ITCH: variants seen among roughly 807,000 people sequenced by gnomAD.
ITCH encodes itchy E3 ubiquitin protein ligase, also known as E3 ubiquitin-protein ligase Itchy homolog.
In ITCH, 28 loss-of-function variants were observed where a neutral mutation model predicts 126.8. The observed-to-expected ratio is 0.22, with a 90% CI of 0.16 to 0.30. The LOEUF is 0.30. ITCH is among the 10% of genes least tolerant of loss of function. The pLI, the probability that ITCH is intolerant of heterozygous loss-of-function variation, is 1.00. For synonymous variants in ITCH, 342 were observed against 340.0 expected, an observed-to-expected ratio of 1.01 and a Z score of -0.06; for missense variants, 631 against 1,032.4, an observed-to-expected ratio of 0.61 and a Z score of 5.33.
At position 34,412,511 on chromosome 20, in the gene ITCH, T is replaced by C. The variant is rs1911851476; in HGVS notation, c.213-4T>C. The C allele has an allele frequency of 1.3e-6, 2 of 1,582,322 alleles. No homozygotes were observed. Among genetic ancestry groups the C allele is most frequent in the Non-Finnish European group, 1.7e-6 (2 of 1,151,416 alleles). On this transcript the variant is annotated splice_polypyrimidine_tract_variant and splice_region_variant and intron_variant, in intron 4 of 24. Coordinates refer to ENST00000374864, the MANE Select transcript of ITCH (RefSeq NM_031483.7). ...ATATTTTTTCCCTCTTTTTTCACTTTTAGTATCGTTACCCCTGTGAGTAAA... is the reference window on the plus strand; with the variant it reads ...ATATTTTTTCCCTCTTTTTTCACTTCTAGTATCGTTACCCCTGTGAGTAAA...
At chr20:34,402,259 C>A in intron 3 of ITCH, 1 of 1,259,924 alleles carries the variant, frequency 7.9e-7, no homozygotes, top group Non-Finnish European at 1.2e-6. Flanking sequence ...GAACACTCCA[C>A]GTACTTGACA....
At chr20:34,405,141 C>CAAAAAAA (rs1170286039) in intron 3 of ITCH, among the ~76,000 whole-genome samples, 1 of 58,234 alleles carries the variant, frequency 1.7e-5, no homozygotes. Context: ...GACCCTGTCT[C>CAAAAAAA]AAAAAAAAAA....
At chr20:34,491,974 A>G (rs1989547677) in intron 22 of ITCH, among the ~76,000 whole-genome samples, 1 of 152,082 alleles carries the variant, frequency 6.6e-6, no homozygotes, top group Admixed American at 6.5e-5. Context: ...TGAATATCCT[A>G]TAGGACGGGC....
At chr20:34,476,176 A>G (rs964830093) in intron 16 of ITCH, 12 of 801,462 alleles carry the variant, frequency 1.5e-5, no homozygotes, top group African/African-American at 5.0e-5. Context: ...AAAGCCATCA[A>G]TATCTGGATT....
At chr20:34,378,658 G>A (rs529203095) in intron 2 of ITCH, among the ~76,000 whole-genome samples, 27 of 152,094 alleles carry the variant, frequency 1.8e-4, no homozygotes, top group African/African-American at 6.5e-4. Flanking sequence ...AATGAAAAAG[G>A]CACTTTCCTT....
intron 14 of ITCH, among the ~76,000 whole-genome samples, chr20:34,464,648 C>T (rs1372806936): frequency 6.6e-6 from 1 of 151,946 alleles, no homozygotes; most frequent in Non-Finnish European, 1.5e-5. Context: ...TCTTTGTCAC[C>T]TGTACCTTTG....
chr20:34,397,138 T>G (rs1601801807), intron 3 of ITCH, among the ~76,000 whole-genome samples: 1 of 152,140 alleles, frequency 6.6e-6, no homozygotes, highest in African/African-American at 2.4e-5. Flanking sequence ...GTTCTCTGCC[T>G]CAGCCTCCCA....
In ITCH at chr20:34,456,194, A is replaced by G. The variant is rs1460098032; in HGVS notation, c.1211-1196A>G. Among the ~76,000 whole-genome samples, 218 of 43,330 alleles carry G rather than the reference A, an allele frequency of 5.0e-3. 3 individuals are homozygous for G. The highest frequency in any genetic ancestry group is 0.033 in the African/African-American group (203 of 6,090). The allele number at this position is 43,330 out of a possible 152,430, so 28.4% of individuals were successfully genotyped here. On this transcript the variant is annotated intron_variant, in intron 12 of 24. Coordinates refer to ENST00000374864, the MANE Select transcript of ITCH (RefSeq NM_031483.7). Reference sequence around the variant, plus strand: ...TGTGTGTGTGTGTGTGTATATATATATATATATATATATATATATATTTTT... The same window carrying G: ...TGTGTGTGTGTGTGTGTATATATATGTATATATATATATATATATATTTTT...
At chr20:34,425,465 G>A (rs1178062491) in intron 7 of ITCH, among the ~76,000 whole-genome samples, 3 of 152,128 alleles carry the variant, frequency 2.0e-5, no homozygotes. Flanking sequence ...AGGCCTCTTT[G>A]CAGTTGAGAT....
In ITCH at chr20:34,383,033, C is replaced by T. The variant is rs1019045125; in HGVS notation, c.-21-10758C>T. 2.6e-5 allele frequency among the ~76,000 whole-genome samples: 4 copies of T among 151,880 alleles called. 1 individual carries two copies. Among genetic ancestry groups the T allele is most frequent in the Middle Eastern group, 3.2e-3 (1 of 316 alleles). On this transcript the variant is annotated intron_variant, in intron 2 of 24. Transcript: ENST00000374864. ...CTGATATTACAGCCATGAGCCACCG[C>T]GCCCAGTCCTTTTTTAAATTTTTTT...
chr20:34,486,664 AT>A (rs112045101), intron 20 of ITCH, among the ~76,000 whole-genome samples: 3 of 109,058 alleles, frequency 2.8e-5, no homozygotes, highest in Non-Finnish European at 6.2e-5. Flanking sequence ...TATTTTATTT[AT>A]TTTATTTATT....
At chr20:34,450,339 A>G (rs1321857788) in intron 12 of ITCH, among the ~76,000 whole-genome samples, 1 of 152,218 alleles carries the variant, frequency 6.6e-6, no homozygotes, top group African/African-American at 2.4e-5. Context: ...CTCCTAAAAC[A>G]AGGTTCAGAG....
intron 24 of ITCH, among the ~76,000 whole-genome samples, chr20:34,506,674 C>G (rs531689403): frequency 6.6e-6 from 1 of 152,306 alleles, no homozygotes; most frequent in African/African-American, 2.4e-5. Context: ...TTGTCTTCCA[C>G]AAAACCATTG....
At position 34,489,124 on chromosome 20, in the gene ITCH, G is replaced by C. The variant is rs11167235; in HGVS notation, c.2094-142G>C. The stretch of plus-strand genomic sequence containing the variant: ...TAGATGGGCATTGTGATGAAGCTTG[G>C]ACATGTGTACAGGGGGTTCATTATG... On this transcript the variant is annotated intron_variant, in intron 20 of 24. Coordinates refer to ENST00000374864, the MANE Select transcript of ITCH (RefSeq NM_031483.7). 4.8e-3 allele frequency: 2,848 copies of C among 591,740 alleles called. 54 individuals are homozygous for C. The highest frequency in any genetic ancestry group is 0.047 in the African/African-American group (2,496 of 53,408). The allele number at this position is 591,740 out of a possible 1,614,324, so 36.7% of individuals were successfully genotyped here.
chr20:34,370,440 G>T (rs1354086095), intron 2 of ITCH, among the ~76,000 whole-genome samples: 3 of 152,098 alleles, frequency 2.0e-5, no homozygotes, highest in Non-Finnish European at 4.4e-5. Context: ...AAGGTGGGCG[G>T]ATCACTTGAG....
At chr20:34,430,239 C>T (rs550692617) in intron 7 of ITCH, among the ~76,000 whole-genome samples, 2 of 152,190 alleles carry the variant, frequency 1.3e-5, no homozygotes, top group African/African-American at 2.4e-5. Flanking sequence ...GAGTTAATAG[C>T]GTTAAGTGGG....
At chr20:34,439,001 T>C (rs1007334435) in intron 8 of ITCH, among the ~76,000 whole-genome samples, 2 of 152,194 alleles carry the variant, frequency 1.3e-5, no homozygotes, top group African/African-American at 4.8e-5. Flanking sequence ...AAAAAGTTAG[T>C]AAACGAAAAC....
chr20:34,502,446 C>G (rs992608567), intron 23 of ITCH, among the ~76,000 whole-genome samples: 1 of 152,078 alleles, frequency 6.6e-6, no homozygotes, highest in African/African-American at 2.4e-5. Context: ...TACAGTGACT[C>G]ACACCTGTAA....
At position 34,481,033 on chromosome 20, in the gene ITCH, A is replaced by G. The variant is rs774043234; in HGVS notation, c.1953-33A>G. On this transcript the variant is annotated intron_variant, in intron 19 of 24. Coordinates refer to ENST00000374864, the MANE Select transcript of ITCH (RefSeq NM_031483.7). The stretch of plus-strand genomic sequence containing the variant: ...TTATAAATTATGATTGAATTGGTGG[A>G]TATAACAAATAGTGCTAATTTCATT... The G allele has an allele frequency of 3.7e-6, 6 of 1,605,974 alleles. No individual in the cohort carries two copies. In the East Asian group the frequency reaches 1.1e-4, roughly 30 times the overall value.
Sources: gnomAD v4.1 joint callset for allele counts (sites outside exome capture counted in the v4.1 genomes callset) on GRCh38, gnomAD v4.1.1 for gene constraint, MANE v1.5 for transcripts, NCBI Gene and HGNC (gene_info 2026-07-23, HGNC 2026-07-21) for gene names.